The following PRKRA variants were observed in gnomAD, a reference collection of about 807,000 sequenced individuals.
PRKRA encodes the protein protein activator of interferon induced protein kinase EIF2AK2, also known as interferon-inducible double-stranded RNA-dependent protein kinase activator A.
PRKRA carries 22 observed loss-of-function variants against 32.4 expected under a neutral mutation model. The observed-to-expected ratio is 0.68, with a 90% CI of 0.49 to 0.97. The LOEUF (loss-of-function observed/expected upper bound fraction) is 0.97, where lower values mean the gene tolerates loss of function less well. Among genes scored for constraint, PRKRA ranks in the 50% least tolerant of loss-of-function variants. PRKRA has a pLI of 0.00. For synonymous variants in PRKRA, 139 were observed against 129.8 expected (o/e 1.07, Z -0.48); for missense variants, 319 against 375.6 (o/e 0.85, Z 1.25).
intron 6 of PRKRA, among the ~76,000 whole-genome samples, chr2:178,436,856 G>C (rs1383609153): frequency 6.6e-6 from 1 of 152,046 alleles, no homozygotes; most frequent in Non-Finnish European, 1.5e-5. Context: ...ATGTCAAAAA[G>C]TTCTTATCAG....
chr2:178,433,714 C>T (rs1696764792), intron 7 of PRKRA: 1 of 152,080 alleles, frequency 6.6e-6, no homozygotes, highest in African/African-American at 2.4e-5. Flanking sequence ...TCTCAAACTC[C>T]TGGGTTCCAG....
chr2:178,451,022 C>T lies in PRKRA; in HGVS notation c.9G>A (p.Gln3=). The T allele has an allele frequency of 2.6e-6, 4 of 1,557,342 alleles. No individual in the cohort carries two copies. Among genetic ancestry groups the T allele is most frequent in the Non-Finnish European group, 3.5e-6 (4 of 1,156,920 alleles). ...GCGGGGCCTCGGCGCGGTGCCTGCT[C>T]TGGGACATGGCGAGAAGGGACGGCT... The part of the protein sequence containing the change: MS[Q]SRHRAEAPPL... The change falls in exon 1 of 8, where the codon CAG becomes CAA. Residue 3 remains glutamine, a synonymous_variant. Coordinates refer to ENST00000325748, the MANE Select transcript of PRKRA (RefSeq NM_003690.5).
At chr2:178,443,237 C>A in intron 5 of PRKRA, 30 bp downstream of exon 5, 1 of 704,538 alleles carries the variant, frequency 1.4e-6, no homozygotes, top group Admixed American at 3.9e-5. Context: ...GAAAATATTT[C>A]AAATGCCTTT....
chr2:178,448,389 A>C (rs1416543857), intron 2 of PRKRA, among the ~76,000 whole-genome samples: 2 of 152,200 alleles, frequency 1.3e-5, no homozygotes, highest in African/African-American at 4.8e-5. Flanking sequence ...ATCTGCTAAC[A>C]CAGGTATTAG....
intron 5 of PRKRA, among the ~76,000 whole-genome samples, 180 bp from the exon 6 acceptor site, chr2:178,441,884 A>C (rs934829106): frequency 1.4e-5 from 2 of 139,014 alleles, no homozygotes; most frequent in African/African-American, 2.8e-5. Flanking sequence ...ATAGCTATTA[A>C]TTCTTTTTTT....
At chr2:178,435,283 T>G (rs1173007164) in intron 7 of PRKRA, among the ~76,000 whole-genome samples, 3 of 148,476 alleles carry the variant, frequency 2.0e-5, no homozygotes, top group East Asian at 2.0e-4. Context: ...CTTGGGAGAC[T>G]GAAGCAGGAG....
rs1252853901 is a variant in PRKRA at position 178,441,635 on chromosome 2, A to G, written c.584T>C (p.Ile195Thr). The stretch of plus-strand genomic sequence containing the variant: ...TAAAGAAATGTGGTTCTCTGGAGAA[A>G]TATTACTAAATTTGGCAAGAAATTT... ...AEKFLAKFSNISPENHISLTN... is the reference protein window; with the variant it reads ...AEKFLAKFSNTSPENHISLTN... The change falls in exon 6 of 8, where the codon ATT becomes ACT. Residue 195 changes from isoleucine (I) to threonine (T), a missense_variant. Physicochemically the swap from Ile to Thr is moderately conservative, Grantham distance 89. Transcript: ENST00000325748. 9 of 1,607,360 alleles carry G rather than the reference A, an allele frequency of 5.6e-6. No individual in the cohort carries two copies. Among genetic ancestry groups the G allele is most frequent in the Non-Finnish European group, 7.7e-6 (9 of 1,174,046 alleles).
In PRKRA at chr2:178,446,776, G is replaced by A. The variant is rs549385418; in HGVS notation, c.317+729C>T. On this transcript the variant is annotated intron_variant, in intron 3 of 7. Coordinates refer to ENST00000325748, the MANE Select transcript of PRKRA (RefSeq NM_003690.5). ...TGGGAGGCCGAGGCTGGCGGATCACGAGGTCAGGAGATCGAGACCATCCCG... is the reference window on the plus strand; with the variant it reads ...TGGGAGGCCGAGGCTGGCGGATCACAAGGTCAGGAGATCGAGACCATCCCG... Among the ~76,000 whole-genome samples, 763 of 152,084 alleles carry A rather than the reference G, an allele frequency of 5.0e-3. 3 individuals are homozygous for A. The highest frequency in any genetic ancestry group is 7.4e-3 in the Non-Finnish European group (502 of 67,978).
In PRKRA at chr2:178,443,397, GA is replaced by G. The variant is rs773158721; in HGVS notation, c.397-14del. 6.8e-6 allele frequency: 5 copies of G among 735,334 alleles called. No homozygotes were observed. In the South Asian group the frequency reaches 9.4e-5, roughly 14 times the overall value. The allele number at this position is 735,334 out of a possible 1,614,324, so 45.6% of individuals were successfully genotyped here. A position where few individuals can be genotyped will look rare whatever the true frequency, so the allele number is the denominator to read the frequency against. The stretch of plus-strand genomic sequence containing the variant: ...GAATAGCCAATTCCTATAAAATCAA[GA>G]TGAGGCTTTAATAGTAATTTTATGC... On this transcript the variant is annotated splice_polypyrimidine_tract_variant and intron_variant, in intron 4 of 7. Coordinates refer to ENST00000325748, the MANE Select transcript of PRKRA (RefSeq NM_003690.5).
At chr2:178,434,018 T>G (rs745359967) in intron 7 of PRKRA, 5 of 152,230 alleles carry the variant, frequency 3.3e-5, no homozygotes, top group African/African-American at 7.2e-5. Flanking sequence ...GTCCTATTCA[T>G]GACATGGGTC....
In PRKRA at chr2:178,444,022, G is replaced by T. The variant is rs536908178; in HGVS notation, c.396+400C>A. The T allele has an allele frequency of 1.8e-4, 32 of 174,104 alleles. No homozygotes were observed. In the South Asian group the frequency reaches 3.6e-3, roughly 20 times the overall value. The allele number at this position is 174,104 out of a possible 1,614,324, so 10.8% of individuals were successfully genotyped here. On this transcript the variant is annotated intron_variant, in intron 4 of 7. Transcript: ENST00000325748. ...TGTATAGATAAAATTTTTTTTTTTT[G>T]GTAGAATAAGCAAATAGACTCCTTT...
intron 5 of PRKRA, among the ~76,000 whole-genome samples, chr2:178,442,816 T>A (rs990086773): frequency 2.0e-5 from 3 of 152,232 alleles, no homozygotes; most frequent in Non-Finnish European, 4.4e-5. Flanking sequence ...GAAGTTGCTA[T>A]AATTAAGAAA....
intron 3 of PRKRA, among the ~76,000 whole-genome samples, chr2:178,446,925 G>A (rs1331787853): frequency 2.7e-5 from 4 of 148,484 alleles, no homozygotes; most frequent in Admixed American, 6.7e-5. Context: ...CCCGGGAGGC[G>A]GAGCTTGCAG....
Position 178,444,403 on chromosome 2 carries a change from A to C in PRKRA, c.396+19T>G. ...CTTATTATATATTTCATCAGTAGGCAAAGAACTGTACAACTTACCTGTAAT... is the reference window on the plus strand; with the variant it reads ...CTTATTATATATTTCATCAGTAGGCCAAGAACTGTACAACTTACCTGTAAT... On this transcript the variant is annotated intron_variant, in intron 4 of 7. Coordinates refer to ENST00000325748, the MANE Select transcript of PRKRA (RefSeq NM_003690.5). The C allele has an allele frequency of 1.3e-6, 1 of 754,034 alleles. No homozygotes were observed. The highest frequency in any genetic ancestry group is 1.9e-6 in the Non-Finnish European group (1 of 519,822). The allele number at this position is 754,034 out of a possible 1,614,324, so 46.7% of individuals were successfully genotyped here.
chr2:178,432,842 C>A (rs1261277274), intron 7 of PRKRA, among the ~76,000 whole-genome samples: 1 of 152,108 alleles, frequency 6.6e-6, no homozygotes, highest in African/African-American at 2.4e-5. Flanking sequence ...GGTTTTAAGT[C>A]TGTGCAGAGT....
intron 5 of PRKRA, among the ~76,000 whole-genome samples, chr2:178,441,950 A>G (rs1380142539): frequency 7.0e-6 from 1 of 143,744 alleles, no homozygotes; most frequent in Admixed American, 7.2e-5. Flanking sequence ...CAGTGGCACC[A>G]TCTTGGCTCA....
At chr2:178,436,622 T>C (rs1171625090) in intron 6 of PRKRA, among the ~76,000 whole-genome samples, 1 of 152,172 alleles carries the variant, frequency 6.6e-6, no homozygotes, top group East Asian at 1.9e-4. Context: ...ACAAGATATC[T>C]GGAAGCACCA....
In PRKRA at chr2:178,450,373, G is replaced by T; in HGVS notation, c.104C>A (p.Pro35Gln). 1.9e-6 allele frequency: 3 copies of T among 1,614,242 alleles called. No homozygotes were observed. The highest frequency in any genetic ancestry group is 2.5e-6 in the Non-Finnish European group (3 of 1,180,048). Residue 35 changes from proline (P) to glutamine (Q), a missense_variant, in exon 2 of 8, where the codon CCG becomes CAG. Physicochemically the swap from Pro to Gln is moderately conservative, Grantham distance 76 (BLOSUM62 -1). Transcript: ENST00000325748. ...GCCGTATTCGTGTAATACCTGAATC[G>T]GTGTTTTCCCTGGCTTAGCTGTTAT... ...KMITAKPGKT[P>Q]IQVLHEYGMK...
In PRKRA at chr2:178,436,328, C is replaced by G; in HGVS notation, c.610-9G>C. The G allele has an allele frequency of 1.2e-6, 1 of 834,794 alleles. No homozygotes were observed. 51.7% of individuals were successfully genotyped at this position (834,794 alleles called of 1,614,324 possible). On this transcript the variant is annotated splice_polypyrimidine_tract_variant and intron_variant, in intron 6 of 7. Transcript: ENST00000325748. ...TGTCCTACTACATTTGTCTGAAAAA[C>G]AGAGATGAAGATTTAGACTCTTGAC...
Sources: gnomAD v4.1 joint callset for allele counts (sites outside exome capture counted in the v4.1 genomes callset) on GRCh38, gnomAD v4.1.1 for gene constraint, MANE v1.5 for transcripts, NCBI Gene and HGNC (gene_info 2026-07-23, HGNC 2026-07-21) for gene names.